The following ACTR8 variants were observed in gnomAD, a reference collection of about 807,000 sequenced individuals.
The protein encoded by ACTR8 is actin-related protein 8.
ACTR8 carries 70 observed loss-of-function variants against 84.3 expected under a neutral mutation model. That is an observed-to-expected ratio of 0.83 (90% CI 0.68 to 1.01). The LOEUF (loss-of-function observed/expected upper bound fraction) is 1.01, where lower values mean the gene tolerates loss of function less well. Ranked by LOEUF, ACTR8 falls within the 50% of genes least tolerant of loss-of-function variation. The pLI, the probability that ACTR8 is intolerant of heterozygous loss-of-function variation, is 0.00. For missense variants in ACTR8, 672 were observed against 775.4 expected, an observed-to-expected ratio of 0.87 and a Z score of 1.58; for synonymous variants, 268 against 275.2, an observed-to-expected ratio of 0.97 and a Z score of 0.26.
downstream of ACTR8, among the ~76,000 whole-genome samples, chr3:53,864,513 C>T (rs555550379): frequency 8.0e-4 from 121 of 151,486 alleles, no homozygotes; most frequent in African/African-American, 2.7e-3. Flanking sequence ...CCAGCCTGGG[C>T]GACAGAGTGA....
the ACTR8 span, chr3:53,860,300 C>A: frequency 8.2e-7 from 1 of 1,224,944 alleles, no homozygotes; most frequent in Non-Finnish European, 1.2e-6. Context: ...AAAGAAGATT[C>A]CTCTGGAGGC....
At chr3:53,863,092 TAC>T (rs1425981004), downstream of ACTR8, among the ~76,000 whole-genome samples, 3 of 152,178 alleles carry the variant, frequency 2.0e-5, no homozygotes, top group East Asian at 5.8e-4. Flanking sequence ...TGATTTTAAT[TAC>T]ATTTTTTTCT....
intron 8 of ACTR8, 89 bp downstream of exon 8, chr3:53,874,122 C>T (rs1699931742): frequency 1.4e-6 from 2 of 1,426,512 alleles, no homozygotes; most frequent in Admixed American, 2.2e-5. Context: ...CCGTGCCCAG[C>T]CAATGCTGTT....
chr3:53,879,384 G>A (rs1441098502), intron 2 of ACTR8, among the ~76,000 whole-genome samples: 3 of 152,146 alleles, frequency 2.0e-5, no homozygotes, highest in Admixed American at 2.0e-4. Flanking sequence ...AAAGTAAAAT[G>A]TGGATTATGA....
downstream of ACTR8, among the ~76,000 whole-genome samples, chr3:53,862,988 T>C (rs534440297): frequency 9.2e-5 from 14 of 152,306 alleles, no homozygotes; most frequent in African/African-American, 3.4e-4. Flanking sequence ...CTTCCTCCTC[T>C]TCCTCGTCAG....
chr3:53,876,665 C>A lies in ACTR8; in HGVS notation c.733G>T (p.Val245Leu), dbSNP rs372463670. The A allele has an allele frequency of 6.3e-6, 10 of 1,577,314 alleles. No individual in the cohort carries two copies. The highest frequency in any genetic ancestry group is 7.8e-6 in the Non-Finnish European group (9 of 1,153,420). Residue 245 changes from valine to leucine, a missense_variant, in exon 6 of 13, where the codon GTG becomes TTG. Val to Leu is a conservative substitution (Grantham distance 32). Coordinates refer to ENST00000335754, the MANE Select transcript of ACTR8 (RefSeq NM_022899.5). Reference protein sequence around the residue: ...LIPDIYNKQHVKELVNMILMK... With the variant: ...LIPDIYNKQHLKELVNMILMK... ...AGTATCATATTCACTAGTTCTTTCACATGCTGCTTATTATAGATATCAGGA... is the reference window on the plus strand; with the variant it reads ...AGTATCATATTCACTAGTTCTTTCAAATGCTGCTTATTATAGATATCAGGA...
chr3:53,859,582 C>G, the ACTR8 span: 1 of 152,554 alleles, frequency 6.6e-6, no homozygotes, highest in African/African-American at 2.4e-5. Flanking sequence ...AAAATGTCAT[C>G]TATATGTGCT....
In ACTR8 at chr3:53,870,380, T is replaced by C. The variant is rs1699865234; in HGVS notation, c.1568-235A>G. On this transcript the variant is annotated intron_variant, in intron 11 of 12. Coordinates refer to ENST00000335754, the MANE Select transcript of ACTR8 (RefSeq NM_022899.5). This position sits in a 1 kb window ranked among gnomAD's most constrained non-coding sequence, Gnocchi z 4.1. ...CAAAATCTTTAAAGGAGGCCGAGCA[T>C]GGTGGCTCACGCCTGTAATCCCAGC... 4 of 525,602 alleles carry C rather than the reference T, an allele frequency of 7.6e-6. No homozygotes were observed. The highest frequency in any genetic ancestry group is 3.2e-5 in the East Asian group (1 of 30,958). 32.6% of individuals were successfully genotyped at this position (525,602 alleles called of 1,614,324 possible).
the ACTR8 span, chr3:53,860,142 C>T: frequency 6.2e-6 from 10 of 1,613,526 alleles, no homozygotes; most frequent in South Asian, 2.2e-5. Context: ...AAAAGCAAGC[C>T]GGGAGGCTGG....
In ACTR8 at chr3:53,876,606, G is replaced by C. The variant is rs13073855; in HGVS notation, c.778+14C>G. 0.046 allele frequency: 64,999 copies of C among 1,427,752 alleles called. 1,768 individuals are homozygous for C. The highest frequency in any genetic ancestry group is 0.076 in the Middle Eastern group (432 of 5,674). 88.4% of individuals were successfully genotyped at this position (1,427,752 alleles called of 1,614,324 possible). A position where few individuals can be genotyped will look rare whatever the true frequency, so the allele number is the denominator to read the frequency against. On this transcript the variant is annotated intron_variant, in intron 6 of 12. Coordinates refer to ENST00000335754, the MANE Select transcript of ACTR8 (RefSeq NM_022899.5). ...TTCCATTTAAAATAGGTTTCACTGG[G>C]ATATCAGACATACCTGAAAAACCCA...
At chr3:53,866,384 C>CAA (rs1346450521), downstream of ACTR8, among the ~76,000 whole-genome samples, 2 of 152,050 alleles carry the variant, frequency 1.3e-5, no homozygotes, top group Admixed American at 6.5e-5. Flanking sequence ...CTGTCTAAAA[C>CAA]AAACAAACGA....
At chr3:53,877,111 A>C in intron 5 of ACTR8, 103 bp downstream of exon 5, 1 of 1,163,220 alleles carries the variant, frequency 8.6e-7, no homozygotes, top group Non-Finnish European at 1.2e-6. Flanking sequence ...GAAGGTCAAG[A>C]ATGTTTCAAG....
In ACTR8 at chr3:53,870,453, C is replaced by A. The variant is rs1368678565; in HGVS notation, c.1568-308G>T. Among the ~76,000 whole-genome samples the A allele has an allele frequency of 6.6e-6, 1 of 152,164 alleles. No individual in the cohort carries two copies. Among genetic ancestry groups the A allele is most frequent in the Non-Finnish European group, 1.5e-5 (1 of 68,040 alleles). On this transcript the variant is annotated intron_variant, in intron 11 of 12. Transcript: ENST00000335754. This position sits in a 1 kb window ranked among gnomAD's most constrained non-coding sequence, Gnocchi z 4.1. ...AGATCACGAGGTCAGGAGTTCGAAA[C>A]CAGCCTGGCCAACATAGTGAAACCC... is the stretch of plus-strand genomic sequence containing the variant.
downstream of ACTR8, among the ~76,000 whole-genome samples, chr3:53,863,821 A>ATTT (rs11318618): frequency 2.2e-5 from 3 of 138,316 alleles, no homozygotes; most frequent in East Asian, 4.2e-4. Context: ...ACCTCAAAGT[A>ATTT]TTTTTTTTTT....
chr3:53,863,809 A>C (rs896238348), downstream of ACTR8, among the ~76,000 whole-genome samples: 1 of 142,088 alleles, frequency 7.0e-6, no homozygotes. Flanking sequence ...TTACAATCAC[A>C]CACCTCAAAG....
At chr3:53,864,611 C>T (rs950804575), downstream of ACTR8, 19 of 687,608 alleles carry the variant, frequency 2.8e-5, no homozygotes, top group African/African-American at 3.0e-4. Flanking sequence ...GGATGTTTTT[C>T]CTTGCTGTCA....
At chr3:53,873,826 A>C (rs1699925845) in intron 8 of ACTR8, among the ~76,000 whole-genome samples, 1 of 151,956 alleles carries the variant, frequency 6.6e-6, no homozygotes, top group African/African-American at 2.4e-5. Context: ...CATTTTATTT[A>C]TTTATTTATT....
chr3:53,877,333 C>T lies in ACTR8; in HGVS notation c.565G>A (p.Gly189Ser), dbSNP rs776121332. ...CYNIHWPIRR[G>S]QLNIHPGPGG... ...GGGCCTGGGTGAATATTTAACTGAC[C>T]TCTTCTGATAGGCCAGTGAATATTG... Residue 189 changes from glycine to serine, a missense_variant, in exon 5 of 13, where the codon GGT (glycine) becomes AGT (serine). Gly to Ser is a moderately conservative substitution (Grantham distance 56). Coordinates refer to ENST00000335754, the MANE Select transcript of ACTR8 (RefSeq NM_022899.5). The T allele has an allele frequency of 6.2e-7, 1 of 1,613,986 alleles. No individual in the cohort carries two copies. Among genetic ancestry groups the T allele is most frequent in the Non-Finnish European group, 8.5e-7 (1 of 1,179,954 alleles).
intron 10 of ACTR8, 121 bp downstream of exon 10, chr3:53,872,262 TA>T: frequency 8.8e-7 from 1 of 1,133,778 alleles, no homozygotes. Context: ...TCTACAATTC[TA>T]AAAGCTATAT....
Sources: allele counts gnomAD v4.1 joint callset (sites outside exome capture counted in the v4.1 genomes callset), GRCh38; gene constraint gnomAD v4.1.1; non-coding constraint Gnocchi (gnomAD v3.1); transcripts MANE v1.5; gene names NCBI Gene and HGNC (gene_info 2026-07-23, HGNC 2026-07-21).